ING3: variants seen among roughly 807,000 people sequenced by gnomAD.
ING3 encodes inhibitor of growth family member 3.
Under a neutral mutation model 64.8 loss-of-function variants are expected in ING3, and 6 were observed. That is an observed-to-expected ratio of 0.09 (90% CI 0.05 to 0.18). The LOEUF (loss-of-function observed/expected upper bound fraction) is 0.18, where lower values mean the gene tolerates loss of function less well. Among genes scored for constraint, ING3 ranks in the 10% least tolerant of loss-of-function variants. The probability of loss-of-function intolerance (pLI) is 1.00; values close to 1 mark genes in which losing one functional copy is unlikely to be tolerated. For missense variants in ING3, 310 were observed against 489.7 expected (o/e 0.63, Z 3.46); for synonymous variants, 170 against 173.7 (o/e 0.98, Z 0.17).
At chr7:120,952,503 A>G (rs1795781939) in intron 2 of ING3, among the ~76,000 whole-genome samples, 1 of 152,218 alleles carries the variant, frequency 6.6e-6, no homozygotes, top group African/African-American at 2.4e-5. Context: ...TACATATTAC[A>G]GGCTTTTTAA....
chr7:120,971,601 C>T (rs1407988027), intron 10 of ING3, among the ~76,000 whole-genome samples: 2 of 151,890 alleles, frequency 1.3e-5, no homozygotes, highest in South Asian at 2.1e-4. Context: ...TCAGGTATAC[C>T]GAACATGATT....
At chr7:120,962,804 C>CT (rs769674453) in intron 4 of ING3, among the ~76,000 whole-genome samples, 1 of 152,090 alleles carries the variant, frequency 6.6e-6, no homozygotes, top group Middle Eastern at 3.4e-3. Flanking sequence ...ACCAGTGTTA[C>CT]TTTTTTATGT....
At chr7:120,953,083 TAACAAA>T (rs1795791426) in intron 2 of ING3, among the ~76,000 whole-genome samples, 1 of 152,094 alleles carries the variant, frequency 6.6e-6, no homozygotes, top group African/African-American at 2.4e-5. Flanking sequence ...AATTTTGAAG[TAACAAA>T]AACAAAAATA....
chr7:120,959,867 G>A (rs1272652998), intron 4 of ING3, among the ~76,000 whole-genome samples: 6 of 151,568 alleles, frequency 4.0e-5, no homozygotes, highest in South Asian at 2.1e-4. Context: ...GGATGGTCTC[G>A]AACTCCTGAC....
Position 120,953,398 on chromosome 7 carries a change from CA to C in ING3, c.201del (p.Asp68ThrfsTer23). The C allele has an allele frequency of 2.5e-6, 4 of 1,582,730 alleles. No homozygotes were observed. Among genetic ancestry groups the C allele is most frequent in the Non-Finnish European group, 3.5e-6 (4 of 1,158,428 alleles). On this transcript the variant is annotated frameshift_variant, in exon 3 of 12. Transcript: ENST00000315870. LOFTEE classifies it high-confidence loss of function. ...EWREEQMASI[K>X]KDYYKALEDA... is the part of the protein sequence containing the mutation. ...GGAGGGAAGAGCAAATGGCATCCAT[CA>C]AAAAAGTATGTGCAACACTTTGGAT...
chr7:120,951,041 C>G, intron 1 of ING3, 117 bp downstream of exon 1: 1 of 1,508,912 alleles, frequency 6.6e-7, no homozygotes, highest in East Asian at 2.3e-5. Flanking sequence ...TTCTTTCTCA[C>G]GGTAACTGGC....
chr7:120,973,460 G>A (rs1738364535), intron 11 of ING3, among the ~76,000 whole-genome samples: 1 of 151,366 alleles, frequency 6.6e-6, no homozygotes, highest in South Asian at 2.1e-4. Flanking sequence ...ATGGTTTTAT[G>A]TGCAGATTGT....
At chr7:120,964,382 A>G (rs1795971936) in intron 4 of ING3, among the ~76,000 whole-genome samples, 1 of 152,258 alleles carries the variant, frequency 6.6e-6, no homozygotes, top group Middle Eastern at 3.4e-3. Flanking sequence ...CTAAGTAATC[A>G]CAGGGCATAT....
chr7:120,956,386 C>T (rs1217311613), intron 4 of ING3: 9 of 1,320,242 alleles, frequency 6.8e-6, no homozygotes, highest in Non-Finnish European at 8.7e-6. Flanking sequence ...GTTGTCTTTC[C>T]TGGGTACAGA....
intron 4 of ING3, among the ~76,000 whole-genome samples, chr7:120,958,577 C>T (rs1795885209): frequency 6.6e-6 from 1 of 152,234 alleles, no homozygotes; most frequent in Non-Finnish European, 1.5e-5. Flanking sequence ...TCAGCCCTTT[C>T]CTATTCAATC....
chr7:120,970,538 A>G (rs1796057158), intron 9 of ING3, 150 bp from the exon 10 acceptor site: 1 of 728,332 alleles, frequency 1.4e-6, no homozygotes, highest in Admixed American at 2.9e-5. Context: ...AGTACTACCT[A>G]CAATTTAAGT....
At chr7:120,951,097 C>T in intron 1 of ING3, 67 bp from the exon 2 acceptor site, 1 of 1,569,760 alleles carries the variant, frequency 6.4e-7, no homozygotes, top group Non-Finnish European at 8.8e-7. Context: ...CTGACGCACG[C>T]GCGCAGTGAC....
intron 8 of ING3, among the ~76,000 whole-genome samples, 200 bp downstream of exon 8, chr7:120,968,291 T>C (rs1230164658): frequency 6.6e-6 from 1 of 152,194 alleles, no homozygotes; most frequent in Non-Finnish European, 1.5e-5. Flanking sequence ...AACTAAAAAA[T>C]AGGTTTATCA....
chr7:120,959,630 A>ATTTTTTTTTTTTTTTTT (rs397889009), intron 4 of ING3, among the ~76,000 whole-genome samples: 2 of 55,676 alleles, frequency 3.6e-5, no homozygotes, highest in Non-Finnish European at 6.6e-5. Context: ...ACTTCCTCAC[A>ATTTTTTTTTTTTTTTTT]TTTTTTTTTT....
intron 7 of ING3, 99 bp downstream of exon 7, chr7:120,967,747 C>G (rs1796014764): frequency 7.5e-7 from 1 of 1,338,574 alleles, no homozygotes; most frequent in African/African-American, 1.5e-5. Flanking sequence ...GTTTCTTTAC[C>G]TGGTTAAAGT....
chr7:120,952,214 G>T (rs948955135), intron 2 of ING3, among the ~76,000 whole-genome samples: 16 of 152,330 alleles, frequency 1.1e-4, no homozygotes, highest in African/African-American at 3.1e-4. Context: ...TGCTGAAGTA[G>T]TGTTCTCTGC....
Position 120,950,933 on chromosome 7 carries a change from G to C in ING3, c.28+9G>C, listed in dbSNP as rs1420770542. 3 of 1,612,872 alleles carry C rather than the reference G, an allele frequency of 1.9e-6. 1 individual carries two copies. In the South Asian group the frequency reaches 3.3e-5, roughly 18 times the overall value. On this transcript the variant is annotated intron_variant, in intron 1 of 11. Transcript: ENST00000315870. ...AGAAGACTATCTGGAAAGTGAGTGC[G>C]CGGCGCTGGCGGCGGCCGCCAGTGG... is the stretch of plus-strand genomic sequence containing the variant.
At position 120,950,853 on chromosome 7, in the gene ING3, A is replaced by G; in HGVS notation, c.-44A>G. ...ACTCCGGCGACAGCGAGTGACACAA[A>G]TAAACCCCTGGACCCCCTTGTTCCC... On this transcript the variant is annotated 5_prime_UTR_variant, in exon 1 of 12. Coordinates refer to ENST00000315870, the MANE Select transcript of ING3 (RefSeq NM_019071.3). 6.2e-7 allele frequency: 1 copy of G among 1,611,586 alleles called. No homozygotes were observed. The highest frequency in any genetic ancestry group is 8.5e-7 in the Non-Finnish European group (1 of 1,178,588).
rs1795834456 is a variant in ING3, at chr7:120,955,618, T to C, written c.261T>C (p.Tyr87=). The change falls in exon 4 of 12, where the codon TAT becomes TAC. Residue 87 remains tyrosine (Y), a synonymous_variant. Coordinates refer to ENST00000315870, the MANE Select transcript of ING3 (RefSeq NM_019071.3). The part of the protein sequence containing the change: ...DEKVQLANQI[Y]DLVDRHLRKL... ...AGGTTCAGTTGGCAAACCAGATATA[T>C]GACTTGGTAAGTAAAAGTAATGTGC... 1.2e-6 allele frequency: 2 copies of C among 1,602,270 alleles called. No homozygotes were observed. Among genetic ancestry groups the C allele is most frequent in the South Asian group, 1.1e-5 (1 of 90,826 alleles).
Sources: gnomAD v4.1 joint callset for allele counts (sites outside exome capture counted in the v4.1 genomes callset) on GRCh38, gnomAD v4.1.1 for gene constraint, MANE v1.5 for transcripts, NCBI Gene and HGNC (gene_info 2026-07-23, HGNC 2026-07-21) for gene names.